Variants in KCND2 observed in about 807,000 individuals in gnomAD.
KCND2 encodes A-type voltage-gated potassium channel KCND2.
KCND2 carries 16 observed loss-of-function variants against 54.4 expected under a neutral mutation model. The observed-to-expected ratio is 0.29, with a 90% CI of 0.20 to 0.45. The LOEUF is 0.45. Among genes scored for constraint, KCND2 ranks in the 20% least tolerant of loss-of-function variants. The pLI, the probability that KCND2 is intolerant of heterozygous loss-of-function variation, is 1.00. For missense variants in KCND2, 486 were observed against 824.2 expected (o/e 0.59, Z 5.02); for synonymous variants, 317 against 310.7 (o/e 1.02, Z -0.21).
intron 1 of KCND2, among the ~76,000 whole-genome samples, chr7:120,298,726 C>T (rs1799544719): frequency 6.6e-6 from 1 of 152,200 alleles, no homozygotes; most frequent in Admixed American, 6.5e-5. Context: ...AAAAACTACA[C>T]AGAGAATTAA....
At chr7:120,600,474 A>C (rs1400248178) in intron 1 of KCND2, among the ~76,000 whole-genome samples, 1 of 152,060 alleles carries the variant, frequency 6.6e-6, no homozygotes, top group African/African-American at 2.4e-5. Flanking sequence ...TTCTGTGGAC[A>C]GAGTATTAGA....
intron 1 of KCND2, among the ~76,000 whole-genome samples, chr7:120,632,276 C>T (rs1386930389): frequency 6.6e-6 from 1 of 152,122 alleles, no homozygotes; most frequent in Non-Finnish European, 1.5e-5. Context: ...TGCACACGTG[C>T]TGAACAGCGA....
intron 2 of KCND2, among the ~76,000 whole-genome samples, chr7:120,736,078 AACTG>A (rs1792866170): frequency 6.6e-6 from 1 of 152,116 alleles, no homozygotes; most frequent in Non-Finnish European, 1.5e-5. Flanking sequence ...ACGTCAGTCC[AACTG>A]ACTAATAAAA....
At chr7:120,716,312 G>A in intron 1 of KCND2, among the ~76,000 whole-genome samples, 1 of 150,660 alleles carries the variant, frequency 6.6e-6, no homozygotes, top group East Asian at 1.9e-4. Context: ...ATTTCATAGA[G>A]TTTAATTTAA....
chr7:120,423,222 A>G (rs1037676711), intron 1 of KCND2, among the ~76,000 whole-genome samples: 3 of 152,298 alleles, frequency 2.0e-5, no homozygotes, highest in Middle Eastern at 6.8e-3. Flanking sequence ...CCAGAAGGGC[A>G]TTGATAAACT....
intron 1 of KCND2, among the ~76,000 whole-genome samples, chr7:120,731,705 C>A (rs996989318): frequency 1.6e-4 from 24 of 152,174 alleles, no homozygotes; most frequent in African/African-American, 5.8e-4. Context: ...AGGTAAGAAG[C>A]TATATCTATG....
At chr7:120,648,064 A>G (rs1186902420) in intron 1 of KCND2, among the ~76,000 whole-genome samples, 1 of 152,202 alleles carries the variant, frequency 6.6e-6, no homozygotes, top group Non-Finnish European at 1.5e-5. Flanking sequence ...TACTTCTAAA[A>G]AGAAATATGA....
intron 1 of KCND2, among the ~76,000 whole-genome samples, chr7:120,730,693 A>G (rs984456862): frequency 1.3e-5 from 2 of 152,180 alleles, no homozygotes; most frequent in African/African-American, 2.4e-5. Flanking sequence ...ACCAACAGGA[A>G]TGAGTACCTG....
chr7:120,529,112 A>G (rs911543997), intron 1 of KCND2, among the ~76,000 whole-genome samples: 3 of 152,178 alleles, frequency 2.0e-5, no homozygotes, highest in African/African-American at 4.8e-5. Flanking sequence ...GGAAGAGTGA[A>G]TGTTTCTCTG....
chr7:120,288,311 A>T (rs1042509610), intron 1 of KCND2, among the ~76,000 whole-genome samples: 2 of 152,150 alleles, frequency 1.3e-5, no homozygotes, highest in Admixed American at 1.3e-4. Flanking sequence ...GTCTTTGGGT[A>T]TGTTTTTTCT....
intron 1 of KCND2, among the ~76,000 whole-genome samples, chr7:120,691,312 C>A (rs971978235): frequency 6.6e-6 from 1 of 152,164 alleles, no homozygotes; most frequent in Non-Finnish European, 1.5e-5. Context: ...AAGGCAGAAG[C>A]AGGCAGAGCA....
At chr7:120,550,022 C>A (rs1792087109) in intron 1 of KCND2, among the ~76,000 whole-genome samples, 1 of 151,956 alleles carries the variant, frequency 6.6e-6, no homozygotes, top group Admixed American at 6.6e-5. Flanking sequence ...TTAGCAATCT[C>A]CTCCAAGTGC....
At chr7:120,331,196 T>A (rs1800063761) in intron 1 of KCND2, among the ~76,000 whole-genome samples, 1 of 152,110 alleles carries the variant, frequency 6.6e-6, no homozygotes, top group South Asian at 2.1e-4. Flanking sequence ...CCTTTTTCAC[T>A]CTCATAATTA....
chr7:120,618,141 T>C (rs1472145393), intron 1 of KCND2, among the ~76,000 whole-genome samples: 4 of 152,118 alleles, frequency 2.6e-5, no homozygotes, highest in Non-Finnish European at 5.9e-5. Context: ...AACCTGCGCA[T>C]GTACCCCCTG....
intron 1 of KCND2, among the ~76,000 whole-genome samples, chr7:120,403,299 C>T (rs986991626): frequency 7.3e-5 from 11 of 151,196 alleles, no homozygotes; most frequent in African/African-American, 2.7e-4. Context: ...TTAGTCAAAT[C>T]ACCCTATTAT....
At chr7:120,521,604 T>A (rs545358155) in intron 1 of KCND2, among the ~76,000 whole-genome samples, 146 of 152,298 alleles carry the variant, frequency 9.6e-4, no homozygotes, top group African/African-American at 3.4e-3. Flanking sequence ...TCTCAGTCTC[T>A]AAATTGAGCG....
chr7:120,666,374 A>G (rs1395316214), intron 1 of KCND2, among the ~76,000 whole-genome samples: 1 of 152,000 alleles, frequency 6.6e-6, no homozygotes, highest in African/African-American at 2.4e-5. Context: ...CCTATGTGTC[A>G]GGACCCAGTT....
At position 120,624,947 on chromosome 7, in the gene KCND2, T is replaced by C. The variant is rs1212461164; in HGVS notation, c.1116-107956T>C. Among the ~76,000 whole-genome samples, 7 of 152,298 alleles carry C rather than the reference T, an allele frequency of 4.6e-5. No individual in the cohort carries two copies. In the East Asian group the frequency reaches 1.4e-3, roughly 29 times the overall value. The stretch of plus-strand genomic sequence containing the variant: ...CAGTTTTGATTATATTGTAAAAGAA[T>C]TGACATAAATTTTGATTATAAATTT... On this transcript the variant is annotated intron_variant, in intron 1 of 5. Coordinates refer to ENST00000331113, the MANE Select transcript of KCND2 (RefSeq NM_012281.3).
At chr7:120,330,647 C>T (rs1235120595) in intron 1 of KCND2, among the ~76,000 whole-genome samples, 2 of 140,268 alleles carry the variant, frequency 1.4e-5, no homozygotes, top group Non-Finnish European at 3.1e-5. Flanking sequence ...TCCTTTTCAT[C>T]AAACTCAAAC....
Sources: gnomAD v4.1 joint callset for allele counts (sites outside exome capture counted in the v4.1 genomes callset) on GRCh38, gnomAD v4.1.1 for gene constraint, MANE v1.5 for transcripts, NCBI Gene and HGNC (gene_info 2026-07-23, HGNC 2026-07-21) for gene names.